The following SLC9A7 variants were observed in gnomAD, a reference collection of about 807,000 sequenced individuals.
SLC9A7 encodes solute carrier family 9 member A7, also known as sodium/hydrogen exchanger 7.
In SLC9A7, 19 loss-of-function variants were observed where a neutral mutation model predicts 52.6. The observed-to-expected ratio is 0.36, with a 90% CI of 0.25 to 0.53. SLC9A7 has a LOEUF of 0.53. SLC9A7 is among the 20% of genes least tolerant of loss of function. The pLI, the probability that SLC9A7 is intolerant of heterozygous loss-of-function variation, is 0.91. For synonymous variants in SLC9A7, 226 were observed against 252.1 expected (o/e 0.90, Z 0.98); for missense variants, 455 against 597.9 (o/e 0.76, Z 2.49).
chrX:46,653,749 C>T (rs752505876), intron 7 of SLC9A7, 35 bp from the exon 8 acceptor site: 2 of 1,077,715 alleles, frequency 1.9e-6, no homozygotes, highest in Non-Finnish European at 2.6e-6. Flanking sequence ...TCTCCAGGTA[C>T]ATGTATCAGG....
intron 10 of SLC9A7, among the ~76,000 whole-genome samples, chrX:46,649,214 C>T (rs1943544304): frequency 9.0e-6 from 1 of 111,674 alleles, no homozygotes; most frequent in East Asian, 2.8e-4. Context: ...AGAAAAGGCA[C>T]TAGAAGAAAA....
chrX:46,646,752 C>A, intron 11 of SLC9A7: 1 of 313,327 alleles, frequency 3.2e-6, no homozygotes. Context: ...GCAGAGAGAC[C>A]CTCCAGATGC....
rs755030007 is a variant in SLC9A7 at position 46,622,514 on chromosome X, C to T, written c.1741-1455G>A. ...TTTACTAAGGAAAAAGCCAGCACAACGATAAACATCATCAGGAAGGATACT... is the reference window on the plus strand; with the variant it reads ...TTTACTAAGGAAAAAGCCAGCACAATGATAAACATCATCAGGAAGGATACT... On this transcript the variant is annotated intron_variant, in intron 14 of 16. Coordinates refer to ENST00000616978, the MANE Select transcript of SLC9A7 (RefSeq NM_001257291.2). Among the ~76,000 whole-genome samples the T allele has an allele frequency of 7.2e-5, 8 of 111,830 alleles. 1 individual carries two copies. In the South Asian group the frequency reaches 1.1e-3, roughly 16 times the overall value.
In SLC9A7 at chrX:46,601,469, G is replaced by A. The variant is rs1238928120; in HGVS notation, c.*5483C>T. ...TTAGTTCTTTGTCCTAGACCGAATC[G>A]TTCATGGATAGCTGAGATACCCTTT... On this transcript the variant is annotated 3_prime_UTR_variant, in exon 17 of 17. Transcript: ENST00000616978. 1.8e-5 allele frequency: 2 copies of A among 112,556 alleles called. No homozygotes were observed. Among genetic ancestry groups the A allele is most frequent in the Non-Finnish European group, 3.8e-5 (2 of 53,316 alleles). 9.3% of individuals were successfully genotyped at this position (112,556 alleles called of 1,213,427 possible).
At chrX:46,652,490 C>T (rs1200787468) in intron 8 of SLC9A7, among the ~76,000 whole-genome samples, 2 of 111,682 alleles carry the variant, frequency 1.8e-5, no homozygotes. Flanking sequence ...CAAAATAGAT[C>T]AAGAGTACTA....
chrX:46,712,223 A>C (rs1428835245), intron 1 of SLC9A7, among the ~76,000 whole-genome samples: 1 of 111,368 alleles, frequency 9.0e-6, no homozygotes. Context: ...AGACTGGGTA[A>C]TTTATAAAGA....
chrX:46,679,719 G>A lies in SLC9A7; in HGVS notation c.562C>T (p.Leu188=). 1 of 1,197,895 alleles carries A rather than the reference G, an allele frequency of 8.3e-7. No homozygotes were observed. The highest frequency in any genetic ancestry group is 1.1e-6 in the Non-Finnish European group (1 of 887,433). Residue 188 remains leucine (L), a synonymous_variant, in exon 3 of 17, where the codon CTG becomes TTG. Transcript: ENST00000616978. ...FDPEVFFNIL[L]PPIIFHAGYS... ...CCAGCATGAAAAATAATTGGAGGCA[G>A]AAGAATGTTGAAAAATACTTCTGGA...
intron 1 of SLC9A7, among the ~76,000 whole-genome samples, chrX:46,726,677 TC>T (rs1288423020): frequency 9.0e-6 from 1 of 111,513 alleles, no homozygotes; most frequent in Non-Finnish European, 1.9e-5. Context: ...CACACTGGTT[TC>T]CATTTAATAC....
rs1189487456 is a variant in SLC9A7 at position 46,605,731 on chromosome X, G to A, written c.*1221C>T. ...CTGAATTCTAGCCTGGTGCCTTGTA[G>A]GTTTCTTGCTGCCTTCCCTTTCCCA... On this transcript the variant is annotated 3_prime_UTR_variant, in exon 17 of 17. Coordinates refer to ENST00000616978, the MANE Select transcript of SLC9A7 (RefSeq NM_001257291.2). 9.0e-6 allele frequency: 1 copy of A among 111,628 alleles called. No homozygotes were observed. Among genetic ancestry groups the A allele is most frequent in the Non-Finnish European group, 1.9e-5 (1 of 53,150 alleles). The allele number at this position is 111,628 out of a possible 1,213,427, so 9.2% of individuals were successfully genotyped here.
intron 6 of SLC9A7, 143 bp from the exon 7 acceptor site, chrX:46,662,300 G>T: frequency 1.6e-6 from 1 of 614,110 alleles, no homozygotes; most frequent in East Asian, 3.6e-5. Flanking sequence ...TCTGCAGCCA[G>T]CATTGCCCAG....
chrX:46,633,368 A>C (rs928599239), intron 13 of SLC9A7, among the ~76,000 whole-genome samples: 8 of 97,913 alleles, frequency 8.2e-5, no homozygotes, highest in African/African-American at 1.9e-4. Context: ...AAAAAAAAAA[A>C]AAAAAAAAAA....
At position 46,679,759 on chromosome X, in the gene SLC9A7, A is replaced by AT. The variant is rs1944180636; in HGVS notation, c.526-5_526-4insA. 8.7e-7 allele frequency: 1 copy of AT among 1,155,755 alleles called. No individual in the cohort carries two copies. The highest frequency in any genetic ancestry group is 2.5e-5 in the Admixed American group (1 of 40,434). On this transcript the variant is annotated splice_region_variant and splice_polypyrimidine_tract_variant and intron_variant, in intron 2 of 16. Transcript: ENST00000616978. ...ATACTTCTGGATCGAATGTTACCTG[A>AT]AAGTTTAAAAAGAAAAAAAAGCCAA...
Position 46,602,059 on chromosome X carries a change from AAAAAC to A in SLC9A7, c.*4888_*4892del. 9.0e-6 allele frequency: 1 copy of A among 110,810 alleles called. No homozygotes were observed. Among genetic ancestry groups the A allele is most frequent in the African/African-American group, 3.3e-5 (1 of 30,552 alleles). The allele number at this position is 110,810 out of a possible 1,213,427, so 9.1% of individuals were successfully genotyped here. Reference sequence around the variant, plus strand: ...TTAATTCCAGGTGAAATTAAAAAAAAAAAACAAAACAGCTTCCCAGAAACCTTCAT... The same window carrying A: ...TTAATTCCAGGTGAAATTAAAAAAAAAAAACAGCTTCCCAGAAACCTTCAT... On this transcript the variant is annotated 3_prime_UTR_variant, in exon 17 of 17. Transcript: ENST00000616978.
At chrX:46,680,152 C>T (rs1261143578) in intron 2 of SLC9A7, among the ~76,000 whole-genome samples, 1 of 110,336 alleles carries the variant, frequency 9.1e-6, no homozygotes, top group Non-Finnish European at 1.9e-5. Flanking sequence ...AGTTCGAGAC[C>T]AGCCTGGCCA....
chrX:46,635,441 T>C (rs1943303357), intron 13 of SLC9A7, 148 bp downstream of exon 13: 6 of 456,458 alleles, frequency 1.3e-5, no homozygotes. Context: ...ATGATTAGAA[T>C]TGACTCAACC....
chrX:46,659,461 T>C (rs1200536534), intron 7 of SLC9A7, among the ~76,000 whole-genome samples: 8 of 67,892 alleles, frequency 1.2e-4, no homozygotes, highest in Non-Finnish European at 2.2e-4. Context: ...CATGATTGTA[T>C]ATCTAGAAAA....
At chrX:46,609,740 T>C (rs1942815718) in intron 16 of SLC9A7, among the ~76,000 whole-genome samples, 1 of 109,183 alleles carries the variant, frequency 9.2e-6, no homozygotes, top group South Asian at 3.9e-4. Flanking sequence ...AAAAAACCCA[T>C]GGAGAGGCCA....
intron 1 of SLC9A7, among the ~76,000 whole-genome samples, chrX:46,737,813 G>T (rs917431616): frequency 9.1e-6 from 1 of 110,117 alleles, no homozygotes; most frequent in South Asian, 3.9e-4. Flanking sequence ...AATCACTTGA[G>T]CCCAGAAATT....
At chrX:46,685,955 C>T (rs760646791) in intron 1 of SLC9A7, among the ~76,000 whole-genome samples, 5 of 111,618 alleles carry the variant, frequency 4.5e-5, no homozygotes, top group Non-Finnish European at 7.5e-5. Flanking sequence ...CTTTTCTAAC[C>T]TCATTATTAG....
Sources: allele counts gnomAD v4.1 joint callset (sites outside exome capture counted in the v4.1 genomes callset), GRCh38; gene constraint gnomAD v4.1.1; transcripts MANE v1.5; gene names NCBI Gene and HGNC (gene_info 2026-07-23, HGNC 2026-07-21).